ARHGAP24: variants seen among roughly 807,000 people sequenced by gnomAD.
ARHGAP24 encodes the protein Rho GTPase activating protein 24, also known as rho GTPase-activating protein 24.
In ARHGAP24, 50 loss-of-function variants were observed where a neutral mutation model predicts 76.4. The observed-to-expected ratio is 0.65, with a 90% confidence interval of 0.52 to 0.83. The LOEUF is 0.83. Among genes scored for constraint, ARHGAP24 ranks in the 40% least tolerant of loss-of-function variants. The pLI is 0.00. For missense variants in ARHGAP24, 930 were observed against 914.2 expected (o/e 1.02, Z -0.22); for synonymous variants, 345 against 323.3 (o/e 1.07, Z -0.72).
rs1164242103 is a variant in ARHGAP24 at position 85,723,592 on chromosome 4, GACTT to G, written c.268+1622_268+1625del. ...ATTCAAGCTTGCTTCTGTAATTATG[GACTT>G]AAATATAGTATGTGAGTAGATCATT... is the stretch of plus-strand genomic sequence containing the variant. On this transcript the variant is annotated intron_variant, in intron 3 of 9. Coordinates refer to ENST00000395184, the MANE Select transcript of ARHGAP24 (RefSeq NM_001025616.3). 1.3e-5 allele frequency: 2 copies of G among 152,186 alleles called. 1 individual carries two copies. The highest frequency in any genetic ancestry group is 1.3e-4 in the Admixed American group (2 of 15,280). The allele number at this position is 152,186 out of a possible 1,614,324, so 9.4% of individuals were successfully genotyped here.
intron 3 of ARHGAP24, among the ~76,000 whole-genome samples, chr4:85,767,438 G>T (rs1726971686): frequency 6.6e-6 from 1 of 151,976 alleles, no homozygotes; most frequent in African/African-American, 2.4e-5. Flanking sequence ...ACATGTGAAT[G>T]CTTCATCACC....
At chr4:85,549,036 C>T (rs1165298874) in intron 1 of ARHGAP24, among the ~76,000 whole-genome samples, 1 of 151,750 alleles carries the variant, frequency 6.6e-6, no homozygotes, top group Non-Finnish European at 1.5e-5. Flanking sequence ...AAGCCATGCT[C>T]TTTGTTTATC....
intron 2 of ARHGAP24, among the ~76,000 whole-genome samples, chr4:85,639,002 C>T (rs1178379663): frequency 6.6e-6 from 1 of 152,044 alleles, no homozygotes; most frequent in East Asian, 1.9e-4. Flanking sequence ...ATGGAGCTGA[C>T]GAATGGAGGT....
intron 2 of ARHGAP24, among the ~76,000 whole-genome samples, chr4:85,702,339 G>T (rs1019335540): frequency 6.6e-6 from 1 of 152,162 alleles, no homozygotes; most frequent in Admixed American, 6.5e-5. Context: ...GATGTACATT[G>T]TATTTATACA....
intron 3 of ARHGAP24, among the ~76,000 whole-genome samples, chr4:85,890,204 G>C (rs1733811311): frequency 6.6e-6 from 1 of 152,108 alleles, no homozygotes; most frequent in Non-Finnish European, 1.5e-5. Context: ...ACTCAGTATA[G>C]AATAAAGATC....
intron 2 of ARHGAP24, among the ~76,000 whole-genome samples, chr4:85,604,918 T>A (rs1444837358): frequency 6.6e-6 from 1 of 152,178 alleles, no homozygotes; most frequent in Non-Finnish European, 1.5e-5. Context: ...TTCACCATGT[T>A]GGTCAGGTTG....
intron 4 of ARHGAP24, among the ~76,000 whole-genome samples, chr4:85,933,882 A>C (rs1221284825): frequency 2.0e-5 from 3 of 152,144 alleles, no homozygotes; most frequent in Non-Finnish European, 4.4e-5. Context: ...CTTGGAGATA[A>C]GTTATCATCA....
At chr4:85,508,239 A>G (rs923250430) in intron 1 of ARHGAP24, among the ~76,000 whole-genome samples, 3 of 152,216 alleles carry the variant, frequency 2.0e-5, no homozygotes, top group African/African-American at 7.2e-5. Context: ...ATTTTCTGAA[A>G]TACTGATTCA....
chr4:85,994,055 T>A (rs980624440), intron 8 of ARHGAP24, among the ~76,000 whole-genome samples: 1 of 152,158 alleles, frequency 6.6e-6, no homozygotes, highest in Non-Finnish European at 1.5e-5. Flanking sequence ...ATTATCTTGA[T>A]ATATTAGAGA....
rs116801759 is a variant in ARHGAP24 at position 85,638,412 on chromosome 4, A to T, written c.180+67691A>T. ...TTAACACCTTTGGCATCACTTGAAA[A>T]ACTAAAGGGATGCATTCTTCCACTG... On this transcript the variant is annotated intron_variant, in intron 2 of 9. Coordinates refer to ENST00000395184, the MANE Select transcript of ARHGAP24 (RefSeq NM_001025616.3). 7.4e-3 allele frequency among the ~76,000 whole-genome samples: 1,133 copies of T among 152,226 alleles called. 14 individuals carry two copies. Among genetic ancestry groups the T allele is most frequent in the African/African-American group, 0.026 (1,080 of 41,540 alleles).
At chr4:85,885,302 A>G (rs1035572900) in intron 3 of ARHGAP24, among the ~76,000 whole-genome samples, 1 of 152,054 alleles carries the variant, frequency 6.6e-6, no homozygotes, top group Non-Finnish European at 1.5e-5. Context: ...ATTTAGGCTT[A>G]TATTTGCTTC....
At chr4:85,743,545 G>T (rs544449296) in intron 3 of ARHGAP24, among the ~76,000 whole-genome samples, 1 of 147,082 alleles carries the variant, frequency 6.8e-6, no homozygotes, top group African/African-American at 2.5e-5. Flanking sequence ...TCTAGCCTAC[G>T]TGACAGGGCG....
At chr4:85,611,501 A>C (rs1315741535) in intron 2 of ARHGAP24, among the ~76,000 whole-genome samples, 1 of 152,244 alleles carries the variant, frequency 6.6e-6, no homozygotes, top group Non-Finnish European at 1.5e-5. Flanking sequence ...AGGGATTTAG[A>C]AATTGTGTTT....
intron 2 of ARHGAP24, among the ~76,000 whole-genome samples, chr4:85,610,302 G>T (rs1317046546): frequency 6.6e-6 from 1 of 151,764 alleles, no homozygotes; most frequent in African/African-American, 2.4e-5. Flanking sequence ...AAATTAGCCA[G>T]GTGTGGTGGC....
At position 85,549,150 on chromosome 4, in the gene ARHGAP24, C is replaced by T. The variant is rs542759401; in HGVS notation, c.-20-21372C>T. On this transcript the variant is annotated intron_variant, in intron 1 of 9. Transcript: ENST00000395184. ...TGTAAATCTTGAGAACATAAGGATT[C>T]CATTTCTCTTGGTTGAACGTCTGAA... is the stretch of plus-strand genomic sequence containing the variant. Among the ~76,000 whole-genome samples, 9 of 150,492 alleles carry T rather than the reference C, an allele frequency of 6.0e-5. No individual in the cohort carries two copies. The East Asian group carries it at 1.5e-3, about 26-fold the overall frequency.
chr4:85,674,686 G>A (rs184042904), intron 2 of ARHGAP24, among the ~76,000 whole-genome samples: 54 of 152,228 alleles, frequency 3.5e-4, no homozygotes, highest in African/African-American at 1.1e-3. Context: ...TGAGTTAATG[G>A]CACCTTTCAT....
intron 2 of ARHGAP24, among the ~76,000 whole-genome samples, chr4:85,677,736 A>G (rs924798472): frequency 2.0e-5 from 3 of 152,242 alleles, no homozygotes; most frequent in Non-Finnish European, 4.4e-5. Context: ...AATGAGCACA[A>G]GCCAACTGTT....
At chr4:85,703,081 C>T (rs1167806163) in intron 2 of ARHGAP24, among the ~76,000 whole-genome samples, 1 of 151,840 alleles carries the variant, frequency 6.6e-6, no homozygotes, top group Non-Finnish European at 1.5e-5. Flanking sequence ...AAGATTATGA[C>T]TAAAACAACT....
chr4:85,736,681 T>C (rs184481861), intron 3 of ARHGAP24, among the ~76,000 whole-genome samples: 1 of 152,344 alleles, frequency 6.6e-6, no homozygotes, highest in Non-Finnish European at 1.5e-5. Flanking sequence ...ATCGAGTACT[T>C]ACAAAACTAG....
Sources: gnomAD v4.1 joint callset for allele counts (sites outside exome capture counted in the v4.1 genomes callset) on GRCh38, gnomAD v4.1.1 for gene constraint, MANE v1.5 for transcripts, NCBI Gene and HGNC (gene_info 2026-07-23, HGNC 2026-07-21) for gene names.